The following TSHZ2 variants were observed in gnomAD, a reference collection of about 807,000 sequenced individuals.
The protein encoded by TSHZ2 is teashirt homolog 2.
TSHZ2 carries 21 observed loss-of-function variants against 74.4 expected under a neutral mutation model. The observed-to-expected ratio is 0.28, with a 90% CI of 0.20 to 0.41. TSHZ2 has a LOEUF of 0.41. TSHZ2 is among the 10% of genes least tolerant of loss of function. The pLI is 1.00. For missense variants in TSHZ2, 1,244 were observed against 1,293.5 expected, an observed-to-expected ratio of 0.96 and a Z score of 0.59; for synonymous variants, 540 against 515.3, an observed-to-expected ratio of 1.05 and a Z score of -0.65.
chr20:53,483,010 G>A (rs1433583476), intron 2 of TSHZ2, among the ~76,000 whole-genome samples: 1 of 152,230 alleles, frequency 6.6e-6, no homozygotes, highest in Non-Finnish European at 1.5e-5. Context: ...TTCAAGTGTA[G>A]GAACACTGAC....
intron 2 of TSHZ2, among the ~76,000 whole-genome samples, chr20:53,331,648 G>T (rs1979727362): frequency 6.6e-6 from 1 of 152,166 alleles, no homozygotes; most frequent in Non-Finnish European, 1.5e-5. Flanking sequence ...ACGGAAGTCA[G>T]TCCCTCAGCC....
At chr20:53,196,662 C>G (rs1054311009) in intron 1 of TSHZ2, 8 of 152,186 alleles carry the variant, frequency 5.3e-5, no homozygotes, top group Admixed American at 3.9e-4. Flanking sequence ...AATTACCCCC[C>G]TTTTAAAAAC....
intron 2 of TSHZ2, among the ~76,000 whole-genome samples, chr20:53,397,118 G>T (rs1276755635): frequency 3.9e-5 from 6 of 152,096 alleles, no homozygotes; most frequent in Non-Finnish European, 5.9e-5. Context: ...AGCCAAAATT[G>T]ACAAATGGGA....
intron 1 of TSHZ2, among the ~76,000 whole-genome samples, chr20:53,073,262 A>C (rs1380210496): frequency 1.5e-5 from 2 of 129,196 alleles, no homozygotes; most frequent in African/African-American, 3.0e-5. Context: ...CTATCCTTCC[A>C]TCCATCCATC....
intron 1 of TSHZ2, among the ~76,000 whole-genome samples, chr20:53,096,568 G>GCATCAT (rs902130628): frequency 6.6e-6 from 1 of 151,798 alleles, no homozygotes; most frequent in African/African-American, 2.4e-5. Flanking sequence ...ATTATCATAA[G>GCATCAT]CATCATCATC....
chr20:53,027,051 T>G (rs1455465261), intron 1 of TSHZ2, among the ~76,000 whole-genome samples: 1 of 152,124 alleles, frequency 6.6e-6, no homozygotes, highest in Non-Finnish European at 1.5e-5. Flanking sequence ...TAATGTACTC[T>G]AATGCATTAA....
At chr20:53,281,515 A>G (rs1216433473) in intron 2 of TSHZ2, among the ~76,000 whole-genome samples, 1 of 152,240 alleles carries the variant, frequency 6.6e-6, no homozygotes, top group Non-Finnish European at 1.5e-5. Context: ...TAAATGATTA[A>G]GCATGGCTGA....
chr20:53,121,110 T>A (rs1033412326), intron 1 of TSHZ2, among the ~76,000 whole-genome samples: 1 of 152,198 alleles, frequency 6.6e-6, no homozygotes, highest in African/African-American at 2.4e-5. Flanking sequence ...ATATTTCTAT[T>A]TGGGGAAAAA....
chr20:53,028,892 G>C (rs1054073141), intron 1 of TSHZ2, among the ~76,000 whole-genome samples: 2 of 152,210 alleles, frequency 1.3e-5, no homozygotes. Context: ...TAATGGTGAT[G>C]TGGCAAGGAC....
intron 1 of TSHZ2, among the ~76,000 whole-genome samples, chr20:52,989,415 A>C (rs1217846823): frequency 6.6e-6 from 1 of 152,240 alleles, no homozygotes; most frequent in Non-Finnish European, 1.5e-5. Context: ...GAAGTCAGTC[A>C]GATGGAATAG....
intron 2 of TSHZ2, among the ~76,000 whole-genome samples, chr20:53,314,730 T>G (rs1385798066): frequency 6.6e-6 from 1 of 151,300 alleles, no homozygotes; most frequent in Non-Finnish European, 1.5e-5. Flanking sequence ...CAAGTTATTC[T>G]CCTGCCTCAG....
At chr20:53,319,226 G>C (rs1400657239) in intron 2 of TSHZ2, among the ~76,000 whole-genome samples, 2 of 152,184 alleles carry the variant, frequency 1.3e-5, no homozygotes, top group African/African-American at 4.8e-5. Context: ...ACTGAGTACA[G>C]TTGTAAAAAA....
intron 1 of TSHZ2, among the ~76,000 whole-genome samples, chr20:53,005,109 C>T (rs551415748): frequency 2.5e-3 from 373 of 152,122 alleles, no homozygotes; most frequent in African/African-American, 8.2e-3. Flanking sequence ...GTCAGGAGTT[C>T]GAGACCAGCC....
At chr20:53,068,695 ATAAG>A (rs1985074271) in intron 1 of TSHZ2, among the ~76,000 whole-genome samples, 1 of 152,196 alleles carries the variant, frequency 6.6e-6, no homozygotes, top group Admixed American at 6.5e-5. Context: ...TATTAAATGA[ATAAG>A]TATAAGATTT....
At chr20:53,380,432 A>G (rs112522371) in intron 2 of TSHZ2, among the ~76,000 whole-genome samples, 14 of 152,228 alleles carry the variant, frequency 9.2e-5, no homozygotes, top group African/African-American at 3.4e-4. Context: ...AAAGAATATT[A>G]AGGAAATAAT....
rs1984849752 is a variant in TSHZ2 at position 53,062,370 on chromosome 20, TG to T, written c.40+89038del. Among the ~76,000 whole-genome samples the T allele has an allele frequency of 3.3e-5, 5 of 152,336 alleles. No homozygotes were observed. The South Asian group carries it at 1.0e-3, about 32-fold the overall frequency. On this transcript the variant is annotated intron_variant, in intron 1 of 2. Coordinates refer to ENST00000371497, the MANE Select transcript of TSHZ2 (RefSeq NM_173485.6). ...CAAAACAGTAAGCTAGAGAAAATTC[TG>T]AGGCAGTGCAAATTCAGAAAGGAAA...
chr20:53,093,946 T>G (rs1394118203), intron 1 of TSHZ2, among the ~76,000 whole-genome samples: 1 of 152,062 alleles, frequency 6.6e-6, no homozygotes, highest in African/African-American at 2.4e-5. Context: ...GTACCACTTT[T>G]GTTACAAATA....
intron 2 of TSHZ2, among the ~76,000 whole-genome samples, chr20:53,465,662 T>C (rs1400334773): frequency 6.6e-6 from 1 of 152,142 alleles, no homozygotes; most frequent in East Asian, 1.9e-4. Context: ...GCATGTGCTG[T>C]TGGTCCTGGT....
At chr20:53,156,854 T>A (rs1170892560) in intron 1 of TSHZ2, among the ~76,000 whole-genome samples, 2 of 152,150 alleles carry the variant, frequency 1.3e-5, no homozygotes, top group African/African-American at 4.8e-5. Context: ...TTTCTGTAGG[T>A]AGGGGGAAAT....
Sources: gnomAD v4.1 joint callset for allele counts (sites outside exome capture counted in the v4.1 genomes callset) on GRCh38, gnomAD v4.1.1 for gene constraint, MANE v1.5 for transcripts, NCBI Gene and HGNC (gene_info 2026-07-23, HGNC 2026-07-21) for gene names.